The following ADGRG5 variants were observed in gnomAD, a reference collection of about 807,000 sequenced individuals.
ADGRG5 encodes G protein-coupled receptor 114.
ADGRG5 carries 37 observed loss-of-function variants against 53.2 expected under a neutral mutation model. That is an observed-to-expected ratio of 0.70 (90% CI 0.53 to 0.91). ADGRG5 has a LOEUF of 0.91. Among genes scored for constraint, ADGRG5 ranks in the 40% least tolerant of loss-of-function variants. The pLI is 0.00. For synonymous variants in ADGRG5, 277 were observed against 290.4 expected (o/e 0.95, Z 0.47); for missense variants, 614 against 675.8 (o/e 0.91, Z 1.01).
intron 1 of ADGRG5, among the ~76,000 whole-genome samples, chr16:57,547,972 T>G (rs2032658627): frequency 6.6e-6 from 1 of 152,088 alleles, no homozygotes; most frequent in Non-Finnish European, 1.5e-5. Context: ...GGTCTTGAAC[T>G]CCTGACCTCA....
chr16:57,538,394 C>T (rs995067620), upstream of ADGRG5, among the ~76,000 whole-genome samples: 17 of 152,040 alleles, frequency 1.1e-4, no homozygotes, highest in Admixed American at 1.0e-3. Context: ...CGCCTGAGGC[C>T]GGGAGTTCAA....
At chr16:57,537,396 G>A in the ADGRG5 span, among the ~76,000 whole-genome samples, 71 of 152,308 alleles carry the variant, frequency 4.7e-4, no homozygotes, top group African/African-American at 1.7e-3. Context: ...CCTAGAAAAA[G>A]AAGCTAAATA....
chr16:57,562,681 G>A (rs554490103), intron 3 of ADGRG5: 8 of 573,296 alleles, frequency 1.4e-5, no homozygotes, highest in South Asian at 4.3e-5. Context: ...ATGACACTAA[G>A]TGCAGAATTA....
chr16:57,536,100 G>T, the ADGRG5 span, among the ~76,000 whole-genome samples: 8 of 152,138 alleles, frequency 5.3e-5, no homozygotes, highest in African/African-American at 1.7e-4. Context: ...CCGCGGCTCT[G>T]GGCAGGGCGC....
At chr16:57,536,010 A>G in the ADGRG5 span, among the ~76,000 whole-genome samples, 3 of 152,116 alleles carry the variant, frequency 2.0e-5, no homozygotes, top group Non-Finnish European at 4.4e-5. Context: ...CCACCTAGCG[A>G]CGGGCGGAGG....
chr16:57,572,983 C>G (rs923387393), intron 10 of ADGRG5, among the ~76,000 whole-genome samples: 3 of 152,202 alleles, frequency 2.0e-5, no homozygotes, highest in Admixed American at 2.0e-4. Context: ...TCTAACTGGA[C>G]TGTGTTCCTG....
At position 57,575,610 on chromosome 16, in the gene ADGRG5, G is replaced by T; in HGVS notation, c.*72G>T. 8.0e-7 allele frequency: 1 copy of T among 1,254,660 alleles called. No individual in the cohort carries two copies. Among genetic ancestry groups the T allele is most frequent in the Non-Finnish European group, 1.2e-6 (1 of 864,614 alleles). 77.7% of individuals were successfully genotyped at this position (1,254,660 alleles called of 1,614,324 possible). On this transcript the variant is annotated 3_prime_UTR_variant, in exon 12 of 12. Transcript: ENST00000349457. ...GCCTGAGGCTACGGCTCCTGCTAGA[G>T]AGGGTGGCAGGCCTGCTGCTGGACC... is the stretch of plus-strand genomic sequence containing the variant.
chr16:57,544,158 C>T (rs772676498), intron 1 of ADGRG5, among the ~76,000 whole-genome samples: 2 of 152,162 alleles, frequency 1.3e-5, no homozygotes, highest in Non-Finnish European at 2.9e-5. Flanking sequence ...TGCCCTGGAC[C>T]GTGGAGGCCT....
chr16:57,559,598 A>T (rs1271482763), intron 1 of ADGRG5, among the ~76,000 whole-genome samples: 1 of 152,152 alleles, frequency 6.6e-6, no homozygotes, highest in Non-Finnish European at 1.5e-5. Flanking sequence ...TTTTCTCCTT[A>T]TCTACTTTTG....
intron 1 of ADGRG5, among the ~76,000 whole-genome samples, chr16:57,547,315 C>T (rs2032642378): frequency 6.6e-6 from 1 of 152,144 alleles, no homozygotes; most frequent in Admixed American, 6.6e-5. Context: ...TTCTAGAGCT[C>T]CCAATATGCT....
intron 1 of ADGRG5, among the ~76,000 whole-genome samples, chr16:57,555,955 C>T (rs1186601113): frequency 6.6e-6 from 1 of 151,920 alleles, no homozygotes; most frequent in African/African-American, 2.4e-5. Flanking sequence ...TAGCACTTCC[C>T]CCTTCTCTCT....
chr16:57,566,070 C>G (rs1376821610), intron 6 of ADGRG5: 1 of 152,738 alleles, frequency 6.5e-6, no homozygotes, highest in Admixed American at 6.5e-5. Context: ...AGGGCCCCCA[C>G]CTCCCCTTCT....
At position 57,576,270 on chromosome 16, in the gene ADGRG5, C is replaced by CA. The variant is rs1218766087; in HGVS notation, c.*732_*733insA. The CA allele has an allele frequency of 6.6e-6, 1 of 152,270 alleles. No homozygotes were observed. The highest frequency in any genetic ancestry group is 1.9e-4 in the East Asian group (1 of 5,186). The allele number at this position is 152,270 out of a possible 1,614,324, so 9.4% of individuals were successfully genotyped here. ...TGGGAGGTTCCGCCGTTCCCAGAGG[C>CA]TCCTCCTGCGGTGCTCCCAAGACTT... On this transcript the variant is annotated 3_prime_UTR_variant, in exon 12 of 12. Transcript: ENST00000349457.
At position 57,574,481 on chromosome 16, in the gene ADGRG5, C is replaced by T. The variant is rs1263638138; in HGVS notation, c.1209-334C>T. 1.3e-5 allele frequency among the ~76,000 whole-genome samples: 2 copies of T among 152,202 alleles called. No individual in the cohort carries two copies. The highest frequency in any genetic ancestry group is 6.5e-5 in the Admixed American group (1 of 15,284). On this transcript the variant is annotated intron_variant, in intron 10 of 11. Coordinates refer to ENST00000349457, the MANE Select transcript of ADGRG5 (RefSeq NM_001304376.3). The surrounding 1 kb of genome is among the most constrained non-coding windows in gnomAD (Gnocchi z 4.4). ...GGATCCAATAGAAGATGGGGCATGCCGGCCTTGGGCTGGCCATGGAAGCAG... is the reference window on the plus strand; with the variant it reads ...GGATCCAATAGAAGATGGGGCATGCTGGCCTTGGGCTGGCCATGGAAGCAG...
intron 11 of ADGRG5, 64 bp from the exon 12 acceptor site, chr16:57,575,374 A>G: frequency 6.7e-7 from 1 of 1,490,094 alleles, no homozygotes; most frequent in East Asian, 2.3e-5. Flanking sequence ...CGCTGCAGCC[A>G]AGGAGACCCT....
intron 1 of ADGRG5, 76 bp from the exon 2 acceptor site, chr16:57,561,980 T>C (rs2146793235): frequency 1.4e-6 from 1 of 740,128 alleles, no homozygotes; most frequent in Middle Eastern, 2.5e-4. Flanking sequence ...CATGTCCTAC[T>C]CTTGGGACAT....
chr16:57,572,006 C>T lies in ADGRG5; in HGVS notation c.1208+1471C>T, dbSNP rs114908903. 4.5e-3 allele frequency among the ~76,000 whole-genome samples: 685 copies of T among 152,092 alleles called. 4 individuals carry two copies. Among genetic ancestry groups the T allele is most frequent in the African/African-American group, 0.014 (600 of 41,482 alleles). On this transcript the variant is annotated intron_variant, in intron 10 of 11. Coordinates refer to ENST00000349457, the MANE Select transcript of ADGRG5 (RefSeq NM_001304376.3). ...TTTAGTGACACGTCCACAGGACCCA[C>T]TAATGCACAGATGTTAGAGAACACC...
chr16:57,541,621 CG>C (rs1392639202), upstream of ADGRG5, among the ~76,000 whole-genome samples: 1 of 152,160 alleles, frequency 6.6e-6, no homozygotes, highest in African/African-American at 2.4e-5. Flanking sequence ...AGGCAGAGAG[CG>C]GGGAGACCAT....
Position 57,567,879 on chromosome 16 carries a change from G to C in ADGRG5, c.845G>C (p.Arg282Pro). 6.2e-7 allele frequency: 1 copy of C among 1,611,434 alleles called. No homozygotes were observed. The highest frequency in any genetic ancestry group is 8.5e-7 in the Non-Finnish European group (1 of 1,179,712). The change falls in exon 9 of 12, where the codon CGC (arginine) becomes CCC (proline). Residue 282 changes from arginine to proline, a missense_variant. Coordinates refer to ENST00000349457, the MANE Select transcript of ADGRG5 (RefSeq NM_001304376.3). ...AGGAAGCAGAGTGACTCCTTAACAC[G>C]CATCCACATGAACCTGCATGCCTCC... is the stretch of plus-strand genomic sequence containing the variant. The part of the protein sequence containing the change: ...HFRKQSDSLT[R>P]IHMNLHASVL...
Sources: gnomAD v4.1 joint callset for allele counts (sites outside exome capture counted in the v4.1 genomes callset) on GRCh38, gnomAD v4.1.1 for gene constraint, Gnocchi (gnomAD v3.1) non-coding constraint, MANE v1.5 for transcripts, NCBI Gene and HGNC (gene_info 2026-07-23, HGNC 2026-07-21) for gene names.